Variants in CCDC180 observed in about 807,000 individuals in gnomAD.
CCDC180 encodes coiled-coil domain-containing protein 180.
Under a neutral mutation model 209.2 loss-of-function variants are expected in CCDC180, and 154 were observed. The observed-to-expected ratio is 0.74, with a 90% CI of 0.65 to 0.84. CCDC180 has a LOEUF of 0.84. Among genes scored for constraint, CCDC180 ranks in the 40% least tolerant of loss-of-function variants. The pLI is 0.00. For synonymous variants in CCDC180, 778 were observed against 749.1 expected, an observed-to-expected ratio of 1.04 and a Z score of -0.63; for missense variants, 1,874 against 1,997.3, an observed-to-expected ratio of 0.94 and a Z score of 1.18.
intron 36 of CCDC180, 68 bp downstream of exon 36, chr9:97,375,657 G>A: frequency 1.3e-6 from 2 of 1,588,112 alleles, no homozygotes; most frequent in Non-Finnish European, 1.7e-6. Flanking sequence ...GGAAGGGGGA[G>A]CTTCCCATCA....
chr9:97,307,643 T>G (rs937958533), upstream of CCDC180: 3 of 1,238,850 alleles, frequency 2.4e-6, no homozygotes, highest in African/African-American at 3.0e-5. Context: ...AGAGTTCCAG[T>G]CCCAACCGAC....
At chr9:97,313,425 C>G in intron 5 of CCDC180, 80 bp downstream of exon 5, 1 of 944,838 alleles carries the variant, frequency 1.1e-6, no homozygotes, top group Non-Finnish European at 1.7e-6. Flanking sequence ...AGCCTTCCTC[C>G]CCCTCTCCAG....
At chr9:97,341,664 C>T (rs1337809194) in intron 18 of CCDC180, among the ~76,000 whole-genome samples, 1 of 152,190 alleles carries the variant, frequency 6.6e-6, no homozygotes. Flanking sequence ...GTGGTCTGTC[C>T]ATTCTCGGAG....
intron 36 of CCDC180, 43 bp downstream of exon 36, chr9:97,375,632 A>AGGTCGGCTG (rs1429224461): frequency 6.2e-7 from 1 of 1,610,656 alleles, no homozygotes. Context: ...AGCACAGCTC[A>AGGTCGGCTG]GGTCGGCTGC....
At chr9:97,341,383 G>A (rs1373931595) in intron 18 of CCDC180, among the ~76,000 whole-genome samples, 1 of 152,154 alleles carries the variant, frequency 6.6e-6, no homozygotes, top group African/African-American at 2.4e-5. Flanking sequence ...TACAGTTGAT[G>A]TTGATGCTAT....
At chr9:97,354,832 T>C in intron 23 of CCDC180, 60 bp from the exon 24 acceptor site, 1 of 1,561,976 alleles carries the variant, frequency 6.4e-7, no homozygotes, top group Non-Finnish European at 8.8e-7. Context: ...CCCCTCCTCC[T>C]TCAGAGTCCA....
intron 11 of CCDC180, among the ~76,000 whole-genome samples, chr9:97,321,814 A>G (rs1833367205): frequency 6.6e-6 from 1 of 152,176 alleles, no homozygotes; most frequent in Non-Finnish European, 1.5e-5. Flanking sequence ...TGAGAACTGC[A>G]AGGGAGGTAA....
chr9:97,317,007 T>C, intron 8 of CCDC180, 58 bp from the exon 9 acceptor site: 11 of 1,509,912 alleles, frequency 7.3e-6, no homozygotes, highest in Non-Finnish European at 9.9e-6. Context: ...AACTGAGCCT[T>C]GCCCTGACCC....
intron 18 of CCDC180, among the ~76,000 whole-genome samples, chr9:97,333,593 A>G (rs1316100966): frequency 1.5e-5 from 2 of 129,892 alleles, no homozygotes; most frequent in Non-Finnish European, 3.1e-5. Flanking sequence ...TCAGGGATTC[A>G]GTTTCTTCCT....
At chr9:97,373,939 C>A (rs1827168722) in intron 34 of CCDC180, 1 of 152,406 alleles carries the variant, frequency 6.6e-6, no homozygotes, top group Non-Finnish European at 1.5e-5. Flanking sequence ...TGCAAGGAAC[C>A]CCTGAGCCAG....
chr9:97,360,711 G>A (rs974792437), intron 26 of CCDC180, among the ~76,000 whole-genome samples: 1 of 151,962 alleles, frequency 6.6e-6, no homozygotes, highest in African/African-American at 2.4e-5. Context: ...CTCACCTCCT[G>A]GTCTGGGTCG....
At position 97,377,002 on chromosome 9, in the gene CCDC180, C is replaced by T. The variant is rs886076250; in HGVS notation, c.*108C>T. 11 of 1,318,964 alleles carry T rather than the reference C, an allele frequency of 8.3e-6. No individual in the cohort carries two copies. The African/African-American group carries it at 1.3e-4, about 16-fold the overall frequency. The allele number at this position is 1,318,964 out of a possible 1,614,324, so 81.7% of individuals were successfully genotyped here. A position where few individuals can be genotyped will look rare whatever the true frequency, so the allele number is the denominator to read the frequency against. ...CCCTCCCTCCCTTCATCCCTCCACC[C>T]CTGCTCTGTGCCGGGCACTGTAGCT... On this transcript the variant is annotated 3_prime_UTR_variant, in exon 37 of 37. Transcript: ENST00000529487.
intron 13 of CCDC180, among the ~76,000 whole-genome samples, chr9:97,324,164 C>T (rs141464564): frequency 3.2e-4 from 48 of 152,282 alleles, no homozygotes; most frequent in African/African-American, 1.1e-3. Context: ...TGACCCTGGG[C>T]ACTGAAGGGC....
intron 11 of CCDC180, among the ~76,000 whole-genome samples, chr9:97,321,779 G>C (rs1833366299): frequency 6.6e-6 from 1 of 152,188 alleles, no homozygotes; most frequent in South Asian, 2.1e-4. Context: ...TGGAAACATT[G>C]ACAAGGAAGT....
chr9:97,317,790 A>C (rs1204704216), intron 9 of CCDC180, among the ~76,000 whole-genome samples: 4 of 152,108 alleles, frequency 2.6e-5, no homozygotes, highest in Non-Finnish European at 5.9e-5. Flanking sequence ...TTGCCTTTCC[A>C]TGTGACCTTG....
Position 97,314,424 on chromosome 9 carries a change from G to A in CCDC180, c.491G>A (p.Gly164Glu), listed in dbSNP as rs768574637. 1.4e-5 allele frequency: 23 copies of A among 1,614,146 alleles called. No homozygotes were observed. Among genetic ancestry groups the A allele is most frequent in the Admixed American group, 8.3e-5 (5 of 60,028 alleles). ...EMEPLIVDTGGLFLKKLTESD... is the reference protein window; with the variant it reads ...EMEPLIVDTGELFLKKLTESD... ...GAACCTCTCATCGTGGACACAGGGG[G>A]ACTTTTTTTGAAGAAGCTGACTGAG... The change falls in exon 6 of 37, where the codon GGA becomes GAA. Residue 164 changes from glycine to glutamate, a missense_variant. Physicochemically the swap from Gly to Glu is moderately conservative, Grantham distance 98. Coordinates refer to ENST00000529487, the MANE Select transcript of CCDC180 (RefSeq NM_020893.6).
intron 25 of CCDC180, 56 bp downstream of exon 25, chr9:97,357,781 A>G (rs1826624649): frequency 1.5e-6 from 2 of 1,366,476 alleles, no homozygotes; most frequent in African/African-American, 1.5e-5. Context: ...TGCTAAAGTC[A>G]TAAATGTGAA....
chr9:97,375,731 G>T (rs1827237826), intron 36 of CCDC180, 142 bp downstream of exon 36: 3 of 941,936 alleles, frequency 3.2e-6, no homozygotes, highest in South Asian at 1.6e-5. Flanking sequence ...AGAGCTGCAG[G>T]TCTCAACACT....
chr9:97,320,174 T>C lies in CCDC180; in HGVS notation c.1128T>C (p.His376=). The C allele has an allele frequency of 6.2e-7, 1 of 1,614,166 alleles. No homozygotes were observed. Among genetic ancestry groups the C allele is most frequent in the Non-Finnish European group, 8.5e-7 (1 of 1,180,018 alleles). The stretch of plus-strand genomic sequence containing the variant: ...GCAAAACTCAGCTGACTGAGTGGCA[T>C]TCTTCCCTCAACTCCCTGAACAAGG... The part of the protein sequence containing the change: ...SYSKTQLTEW[H]SSLNSLNKEL... Residue 376 remains histidine, a synonymous_variant, in exon 11 of 37, where the codon CAT becomes CAC. Coordinates refer to ENST00000529487, the MANE Select transcript of CCDC180 (RefSeq NM_020893.6).
Sources: allele counts gnomAD v4.1 joint callset (sites outside exome capture counted in the v4.1 genomes callset), GRCh38; gene constraint gnomAD v4.1.1; transcripts MANE v1.5; gene names NCBI Gene and HGNC (gene_info 2026-07-23, HGNC 2026-07-21).